Variants in KCNH7 observed in about 807,000 individuals in gnomAD.
The protein encoded by KCNH7 is potassium voltage-gated channel subfamily H member 7, also known as voltage-gated inwardly rectifying potassium channel KCNH7.
Under a neutral mutation model 120.8 loss-of-function variants are expected in KCNH7, and 49 were observed. The ratio of observed to expected loss-of-function variants is 0.41; its 90% CI spans 0.32 to 0.51. The LOEUF (loss-of-function observed/expected upper bound fraction) is 0.51, where lower values mean the gene tolerates loss of function less well. Ranked by LOEUF, KCNH7 falls within the 20% of genes least tolerant of loss-of-function variation. KCNH7 has a pLI of 0.38. For synonymous variants in KCNH7, 547 were observed against 516.1 expected (o/e 1.06, Z -0.81); for missense variants, 1,097 against 1,446.6 (o/e 0.76, Z 3.92).
intron 2 of KCNH7, among the ~76,000 whole-genome samples, chr2:162,660,381 C>A (rs1213668282): frequency 1.3e-5 from 2 of 151,960 alleles, no homozygotes; most frequent in African/African-American, 4.8e-5. Context: ...TTGTTTGACC[C>A]ATGTGTTATT....
At chr2:162,733,775 C>A (rs1469841384) in intron 2 of KCNH7, among the ~76,000 whole-genome samples, 2 of 152,094 alleles carry the variant, frequency 1.3e-5, no homozygotes, top group African/African-American at 2.4e-5. Flanking sequence ...GTGATCTGAA[C>A]CTGATTTTTT....
chr2:162,722,215 T>C (rs900658465), intron 2 of KCNH7, among the ~76,000 whole-genome samples: 5 of 152,018 alleles, frequency 3.3e-5, no homozygotes, highest in African/African-American at 1.2e-4. Flanking sequence ...TGTACTCAGA[T>C]AGTTTAAGGT....
chr2:162,720,127 T>G (rs937286569), intron 2 of KCNH7, among the ~76,000 whole-genome samples: 1 of 151,982 alleles, frequency 6.6e-6, no homozygotes, highest in Non-Finnish European at 1.5e-5. Context: ...GATTTGCATC[T>G]CTACAGCAAC....
At chr2:162,492,647 G>T (rs1255866049) in intron 6 of KCNH7, among the ~76,000 whole-genome samples, 1 of 152,002 alleles carries the variant, frequency 6.6e-6, no homozygotes, top group African/African-American at 2.4e-5. Context: ...GAACACTAAG[G>T]TTAAGTCATA....
intron 2 of KCNH7, among the ~76,000 whole-genome samples, chr2:162,684,818 T>C (rs1319617966): frequency 6.6e-6 from 1 of 152,010 alleles, no homozygotes; most frequent in Non-Finnish European, 1.5e-5. Flanking sequence ...GAACCAGAAA[T>C]ACCATTTGAC....
intron 8 of KCNH7, among the ~76,000 whole-genome samples, chr2:162,427,836 T>G (rs143225085): frequency 0.016 from 2,395 of 151,986 alleles, 20 homozygotes; most frequent in Non-Finnish European, 0.025. Flanking sequence ...ATAATGTTCT[T>G]TTCTTATCCT....
At chr2:162,419,494 G>A (rs982343093) in intron 9 of KCNH7, among the ~76,000 whole-genome samples, 1 of 152,052 alleles carries the variant, frequency 6.6e-6, no homozygotes, top group African/African-American at 2.4e-5. Context: ...TGAAATTGCA[G>A]AGAGGTTAAG....
intron 2 of KCNH7, among the ~76,000 whole-genome samples, chr2:162,600,517 T>A (rs1260565288): frequency 6.6e-6 from 1 of 152,108 alleles, no homozygotes; most frequent in Non-Finnish European, 1.5e-5. Context: ...ATCTTGTTGG[T>A]ATGAAAAGAA....
intron 2 of KCNH7, among the ~76,000 whole-genome samples, chr2:162,713,408 G>C (rs956457548): frequency 6.6e-6 from 1 of 152,132 alleles, no homozygotes; most frequent in Non-Finnish European, 1.5e-5. Flanking sequence ...ATCCCAAACT[G>C]TACTGAATAC....
At chr2:162,552,127 T>A (rs1432126414) in intron 2 of KCNH7, among the ~76,000 whole-genome samples, 1 of 152,176 alleles carries the variant, frequency 6.6e-6, no homozygotes, top group Admixed American at 6.5e-5. Context: ...ACAATGATGA[T>A]GTTCTAGAGG....
chr2:162,542,160 T>TC (rs1436707037), intron 2 of KCNH7, among the ~76,000 whole-genome samples: 5 of 143,118 alleles, frequency 3.5e-5, no homozygotes, highest in African/African-American at 1.3e-4. Flanking sequence ...TATATCTCTC[T>TC]TTTTTTTTTT....
At chr2:162,689,485 C>A (rs763390122) in intron 2 of KCNH7, among the ~76,000 whole-genome samples, 1 of 152,024 alleles carries the variant, frequency 6.6e-6, no homozygotes, top group Non-Finnish European at 1.5e-5. Context: ...AGATGTCTCT[C>A]ATTCAGTAGC....
At chr2:162,706,820 C>A (rs1318583971) in intron 2 of KCNH7, among the ~76,000 whole-genome samples, 1 of 152,096 alleles carries the variant, frequency 6.6e-6, no homozygotes, top group East Asian at 1.9e-4. Context: ...AATTGCCTCT[C>A]ATACTTAAAA....
At chr2:162,788,077 A>G (rs1683779185) in intron 2 of KCNH7, among the ~76,000 whole-genome samples, 2 of 151,820 alleles carry the variant, frequency 1.3e-5, no homozygotes, top group African/African-American at 4.9e-5. Flanking sequence ...AGGATTGCTT[A>G]TAATCATGGA....
At chr2:162,805,463 C>A (rs1398814450) in intron 2 of KCNH7, among the ~76,000 whole-genome samples, 1 of 151,882 alleles carries the variant, frequency 6.6e-6, no homozygotes, top group African/African-American at 2.4e-5. Flanking sequence ...ATACAGATGG[C>A]CAACAAACAT....
At chr2:162,771,468 T>G (rs926764149) in intron 2 of KCNH7, among the ~76,000 whole-genome samples, 1 of 152,128 alleles carries the variant, frequency 6.6e-6, no homozygotes, top group Non-Finnish European at 1.5e-5. Flanking sequence ...CCTCCCTCCA[T>G]GTTAAGGTAC....
intron 2 of KCNH7, among the ~76,000 whole-genome samples, chr2:162,540,775 A>G (rs576542049): frequency 1.9e-4 from 29 of 152,166 alleles, no homozygotes; most frequent in African/African-American, 6.7e-4. Flanking sequence ...GGTTAGCATG[A>G]TTTGACTTAA....
intron 3 of KCNH7, among the ~76,000 whole-genome samples, chr2:162,522,825 A>T (rs942218556): frequency 6.6e-6 from 1 of 151,874 alleles, no homozygotes; most frequent in African/African-American, 2.4e-5. Flanking sequence ...GAAGGCATAT[A>T]GTTGTTAATA....
intron 2 of KCNH7, among the ~76,000 whole-genome samples, chr2:162,674,484 T>C (rs568143359): frequency 4.3e-4 from 66 of 151,772 alleles, no homozygotes; most frequent in Admixed American, 1.6e-3. Flanking sequence ...CTTTGTGAAA[T>C]TAAAAAGCTT....
Sources: gnomAD v4.1 joint callset for allele counts (sites outside exome capture counted in the v4.1 genomes callset) on GRCh38, gnomAD v4.1.1 for gene constraint, MANE v1.5 for transcripts, NCBI Gene and HGNC (gene_info 2026-07-23, HGNC 2026-07-21) for gene names.